The following NEDD4L variants were observed in gnomAD, a reference collection of about 807,000 sequenced individuals.
The protein encoded by NEDD4L is E3 ubiquitin-protein ligase NEDD4-like.
A neutral mutation model predicts 148.9 loss-of-function variants in NEDD4L; 54 were observed. That is an observed-to-expected ratio of 0.36 (90% CI 0.29 to 0.45). The LOEUF is 0.45. Ranked by LOEUF, NEDD4L falls within the 20% of genes least tolerant of loss-of-function variation. The probability of loss-of-function intolerance (pLI) is 1.00; values close to 1 mark genes in which losing one functional copy is unlikely to be tolerated. For missense variants in NEDD4L, 856 were observed against 1,233.8 expected, an observed-to-expected ratio of 0.69 and a Z score of 4.59; for synonymous variants, 433 against 440.7, an observed-to-expected ratio of 0.98 and a Z score of 0.22.
chr18:58,262,866 C>A (rs543901866), intron 5 of NEDD4L, among the ~76,000 whole-genome samples: 1 of 152,138 alleles, frequency 6.6e-6, no homozygotes, highest in Non-Finnish European at 1.5e-5. Context: ...ATGTCCTAAA[C>A]GGGCACTTTC....
At chr18:58,266,539 G>A (rs1443913676) in intron 5 of NEDD4L, among the ~76,000 whole-genome samples, 1 of 152,144 alleles carries the variant, frequency 6.6e-6, no homozygotes, top group East Asian at 1.9e-4. Context: ...GAGAAATACT[G>A]AGGTTCCCCC....
intron 1 of NEDD4L, among the ~76,000 whole-genome samples, chr18:58,073,519 A>G (rs1368311508): frequency 6.6e-6 from 1 of 152,226 alleles, no homozygotes; most frequent in Non-Finnish European, 1.5e-5. Flanking sequence ...ATATCCATAC[A>G]ATGGGATATT....
chr18:58,151,948 TGTGTGATG>T (rs896243946), intron 1 of NEDD4L, among the ~76,000 whole-genome samples: 2 of 151,472 alleles, frequency 1.3e-5, no homozygotes, highest in Non-Finnish European at 3.0e-5. Context: ...TATTCATATA[TGTGTGATG>T]AAATGGAGCA....
chr18:58,178,998 A>T (rs2038505489), intron 2 of NEDD4L, among the ~76,000 whole-genome samples: 1 of 152,072 alleles, frequency 6.6e-6, no homozygotes, highest in Non-Finnish European at 1.5e-5. Context: ...TTTTTTTCCT[A>T]GTAGGAAAAT....
At chr18:58,138,340 T>A (rs1227224161) in intron 1 of NEDD4L, among the ~76,000 whole-genome samples, 3 of 135,138 alleles carry the variant, frequency 2.2e-5, no homozygotes, top group Non-Finnish European at 4.8e-5. Flanking sequence ...CCTCCCCTCC[T>A]CCTCTTCCCT....
intron 2 of NEDD4L, among the ~76,000 whole-genome samples, chr18:58,183,630 G>A (rs912757588): frequency 2.0e-5 from 3 of 152,166 alleles, no homozygotes; most frequent in East Asian, 1.9e-4. Flanking sequence ...TATTCACTTC[G>A]AAGCTCCATG....
intron 5 of NEDD4L, among the ~76,000 whole-genome samples, chr18:58,314,141 G>T (rs1317943337): frequency 3.3e-5 from 5 of 152,266 alleles, no homozygotes; most frequent in South Asian, 2.1e-4. Context: ...ATCAGGCCAG[G>T]CATGGTGACT....
At chr18:58,125,942 G>A (rs573663777) in intron 1 of NEDD4L, among the ~76,000 whole-genome samples, 5 of 152,336 alleles carry the variant, frequency 3.3e-5, no homozygotes, top group East Asian at 1.9e-4. Context: ...CCCGCCACCC[G>A]GGCATCCGTC....
intron 2 of NEDD4L, among the ~76,000 whole-genome samples, chr18:58,201,885 T>C (rs1321678728): frequency 6.6e-6 from 1 of 152,242 alleles, no homozygotes; most frequent in Non-Finnish European, 1.5e-5. Context: ...AATTCCCTTG[T>C]CTTTTTATAA....
chr18:58,327,961 T>TTTTTG lies in NEDD4L; in HGVS notation c.681-1018_681-1014dup, dbSNP rs955399009. Reference sequence around the variant, plus strand: ...AAAAAAGTTTTCTTTTTTCTTTTTTTTTTTGTTTTGTTTTGTTTTGAGATG... The same window carrying TTTTTG: ...AAAAAAGTTTTCTTTTTTCTTTTTTTTTTTGTTTTGTTTTGTTTTGTTTTGAGATG... On this transcript the variant is annotated intron_variant, in intron 9 of 30. Coordinates refer to ENST00000400345, the MANE Select transcript of NEDD4L (RefSeq NM_001144967.3). Among the ~76,000 whole-genome samples the TTTTTG allele has an allele frequency of 3.9e-5, 6 of 152,118 alleles. 1 individual carries two copies. The Middle Eastern group carries it at 0.01, about 259-fold the overall frequency.
rs2039623273 is a variant in NEDD4L at position 58,187,641 on chromosome 18, GTTAAGA to G, written c.122+21785_122+21790del. Among the ~76,000 whole-genome samples the G allele has an allele frequency of 2.0e-5, 3 of 151,942 alleles. No individual in the cohort carries two copies. In the South Asian group the frequency reaches 6.2e-4, roughly 32 times the overall value. On this transcript the variant is annotated intron_variant, in intron 2 of 30. Transcript: ENST00000400345. ...GAGTTTTTTTGTGTTCTGAATACGTGTTAAGATTAATTATGAAAATCAAATTACCAG... is the reference window on the plus strand; with the variant it reads ...GAGTTTTTTTGTGTTCTGAATACGTGTTAATTATGAAAATCAAATTACCAG...
intron 5 of NEDD4L, among the ~76,000 whole-genome samples, chr18:58,275,543 T>C (rs2051774813): frequency 6.6e-6 from 1 of 152,124 alleles, no homozygotes; most frequent in South Asian, 2.1e-4. Context: ...ACAGGCCAGG[T>C]TATATGTCCT....
chr18:58,368,617 T>C (rs1433892782), intron 22 of NEDD4L, among the ~76,000 whole-genome samples: 1 of 152,224 alleles, frequency 6.6e-6, no homozygotes, highest in Non-Finnish European at 1.5e-5. Flanking sequence ...AAGAAAGATA[T>C]TTCCAAGGGA....
chr18:58,307,468 A>C (rs572084876), intron 5 of NEDD4L, among the ~76,000 whole-genome samples: 62 of 152,344 alleles, frequency 4.1e-4, no homozygotes, highest in African/African-American at 1.4e-3. Flanking sequence ...ATCTAACTAG[A>C]ATGCCAATGC....
intron 26 of NEDD4L, 96 bp from the exon 27 acceptor site, chr18:58,387,342 AT>A (rs1185537429): frequency 1.3e-5 from 17 of 1,353,750 alleles, no homozygotes; most frequent in African/African-American, 3.0e-5. Flanking sequence ...GAGAGATTAT[AT>A]TTTTTTCTGG....
chr18:58,147,305 G>C (rs11876767), intron 1 of NEDD4L, among the ~76,000 whole-genome samples: 36,712 of 151,886 alleles, frequency 0.24, 4,445 homozygotes, highest in South Asian at 0.27. Flanking sequence ...GTGCCCCATG[G>C]GATGTTCCCT....
intron 27 of NEDD4L, chr18:58,387,771 A>G (rs374299287): frequency 3.5e-5 from 11 of 315,558 alleles, no homozygotes; most frequent in African/African-American, 1.6e-4. Context: ...GAACATGCCT[A>G]GTAAGTAGAG....
chr18:58,383,404 ATT>A, intron 25 of NEDD4L, 85 bp downstream of exon 25: 1 of 760,548 alleles, frequency 1.3e-6, no homozygotes, highest in Non-Finnish European at 2.3e-6. Flanking sequence ...CAGCTCATGC[ATT>A]TATTATGGGC....
At chr18:58,155,018 C>T (rs754438352) in intron 1 of NEDD4L, among the ~76,000 whole-genome samples, 2 of 152,146 alleles carry the variant, frequency 1.3e-5, no homozygotes, top group Non-Finnish European at 2.9e-5. Flanking sequence ...TAAGATATTA[C>T]CTGTGAAAGG....
Sources: allele counts gnomAD v4.1 joint callset (sites outside exome capture counted in the v4.1 genomes callset), GRCh38; gene constraint gnomAD v4.1.1; transcripts MANE v1.5; gene names NCBI Gene and HGNC (gene_info 2026-07-23, HGNC 2026-07-21).